IL1RAPL1: variants seen among roughly 807,000 people sequenced by gnomAD.
The protein encoded by IL1RAPL1 is interleukin-1 receptor accessory protein-like 1.
Under a neutral mutation model 48.4 loss-of-function variants are expected in IL1RAPL1, and 3 were observed. That is an observed-to-expected ratio of 0.06 (90% CI 0.03 to 0.16). IL1RAPL1 has a LOEUF of 0.16. IL1RAPL1 is among the 10% of genes least tolerant of loss of function. The probability of loss-of-function intolerance (pLI) is 1.00; values close to 1 mark genes in which losing one functional copy is unlikely to be tolerated. For synonymous variants in IL1RAPL1, 185 were observed against 187.7 expected (o/e 0.99, Z 0.12); for missense variants, 349 against 530.6 (o/e 0.66, Z 3.36).
intron 6 of IL1RAPL1, among the ~76,000 whole-genome samples, chrX:29,721,010 A>G (rs1319240807): frequency 8.9e-6 from 1 of 112,138 alleles, no homozygotes; most frequent in Non-Finnish European, 1.9e-5. Context: ...GCTCTTATCA[A>G]CTTTCCATGG....
At position 28,652,868 on chromosome X, in the gene IL1RAPL1, T is replaced by A. The variant is rs113207548; in HGVS notation, c.-25+64821T>A. ...TCAGGACCCTAGCTGAATCTGGGGT[T>A]TAGTAGTTCATGGTGGGGGCAGGGG... On this transcript the variant is annotated intron_variant, in intron 1 of 10. Coordinates refer to ENST00000378993, the MANE Select transcript of IL1RAPL1 (RefSeq NM_014271.4). Among the ~76,000 whole-genome samples the A allele has an allele frequency of 6.0e-3, 655 of 109,531 alleles. 2 individuals carry two copies. The highest frequency in any genetic ancestry group is 9.3e-3 in the Non-Finnish European group (488 of 52,616).
intron 2 of IL1RAPL1, among the ~76,000 whole-genome samples, chrX:28,956,674 T>C (rs1462986677): frequency 1.9e-5 from 2 of 106,983 alleles, no homozygotes; most frequent in African/African-American, 3.4e-5. Flanking sequence ...CAGTATTTTA[T>C]TGAGGATTTT....
intron 1 of IL1RAPL1, among the ~76,000 whole-genome samples, chrX:28,705,037 TTGAC>T (rs1275036127): frequency 4.5e-5 from 5 of 111,206 alleles, no homozygotes; most frequent in Non-Finnish European, 9.4e-5. Flanking sequence ...GTTTGCCACT[TTGAC>T]TGCTTTTGGA....
chrX:29,208,659 C>T (rs896069322), intron 2 of IL1RAPL1, among the ~76,000 whole-genome samples: 30 of 107,310 alleles, frequency 2.8e-4, no homozygotes, highest in African/African-American at 8.5e-4. Context: ...TGCAGTGATC[C>T]GAGATCCCAC....
At chrX:29,213,855 A>G (rs939743687) in intron 2 of IL1RAPL1, among the ~76,000 whole-genome samples, 2 of 112,221 alleles carry the variant, frequency 1.8e-5, no homozygotes, top group African/African-American at 3.2e-5. Flanking sequence ...TCTTTGATCC[A>G]TAACATTTAT....
intron 2 of IL1RAPL1, among the ~76,000 whole-genome samples, chrX:28,938,927 A>G (rs1215824834): frequency 9.0e-6 from 1 of 110,805 alleles, no homozygotes; most frequent in African/African-American, 3.3e-5. Context: ...AAAAAAGGTC[A>G]CTATCATTGA....
intron 6 of IL1RAPL1, among the ~76,000 whole-genome samples, chrX:29,748,342 A>G (rs113060258): frequency 8.9e-6 from 1 of 112,590 alleles, no homozygotes; most frequent in African/African-American, 3.2e-5. Flanking sequence ...AGAAGGCTGG[A>G]TGTGAACATA....
At chrX:29,771,602 C>T (rs1929066111) in intron 6 of IL1RAPL1, among the ~76,000 whole-genome samples, 1 of 111,849 alleles carries the variant, frequency 8.9e-6, no homozygotes. Context: ...TCACTTTAAC[C>T]TGTGCTATTT....
At chrX:28,724,062 T>C (rs1935629275) in intron 1 of IL1RAPL1, among the ~76,000 whole-genome samples, 1 of 112,054 alleles carries the variant, frequency 8.9e-6, no homozygotes, top group Non-Finnish European at 1.9e-5. Context: ...GAGAAGAATG[T>C]ATATTCTGTT....
At chrX:29,929,334 T>A (rs1208928842) in intron 8 of IL1RAPL1, among the ~76,000 whole-genome samples, 2 of 111,844 alleles carry the variant, frequency 1.8e-5, no homozygotes, top group Non-Finnish European at 3.8e-5. Flanking sequence ...AGAGCCAATC[T>A]CTTTGTGTCA....
At chrX:28,611,747 C>A (rs1302296860) in intron 1 of IL1RAPL1, among the ~76,000 whole-genome samples, 1 of 112,689 alleles carries the variant, frequency 8.9e-6, no homozygotes, top group East Asian at 2.8e-4. Flanking sequence ...AATTTTGTTT[C>A]TTGGTGTAAA....
chrX:29,381,833 A>AATATATATATATATAT (rs35091339), intron 3 of IL1RAPL1, among the ~76,000 whole-genome samples: 1 of 25,385 alleles, frequency 3.9e-5, no homozygotes, highest in African/African-American at 1.2e-4. Flanking sequence ...AAAAAAAAAA[A>AATATATATATATATAT]ATATATATAT....
intron 5 of IL1RAPL1, among the ~76,000 whole-genome samples, chrX:29,412,756 G>A (rs1036147134): frequency 8.9e-6 from 1 of 112,111 alleles, no homozygotes; most frequent in African/African-American, 3.2e-5. Context: ...CATTGGTGGA[G>A]CTGCCATGCC....
At chrX:29,242,042 G>T (rs1170848467) in intron 2 of IL1RAPL1, among the ~76,000 whole-genome samples, 1 of 111,700 alleles carries the variant, frequency 9.0e-6, no homozygotes, top group Non-Finnish European at 1.9e-5. Context: ...TCAAGAAGCC[G>T]GTTAGTTACA....
chrX:29,844,419 T>G (rs756734618), intron 6 of IL1RAPL1, among the ~76,000 whole-genome samples: 5 of 111,427 alleles, frequency 4.5e-5, no homozygotes, highest in African/African-American at 1.6e-4. Flanking sequence ...AGAAGCAATG[T>G]GATATGTTGA....
chrX:29,334,715 A>T (rs1393642988), intron 3 of IL1RAPL1, among the ~76,000 whole-genome samples: 1 of 105,014 alleles, frequency 9.5e-6, no homozygotes, highest in East Asian at 3.1e-4. Context: ...ATCTCAGACG[A>T]TGGGCGGCCG....
intron 5 of IL1RAPL1, among the ~76,000 whole-genome samples, chrX:29,550,913 A>T (rs1283412252): frequency 2.7e-5 from 3 of 112,205 alleles, no homozygotes; most frequent in African/African-American, 9.7e-5. Flanking sequence ...TTGTACAACC[A>T]TTACTACCGT....
At chrX:29,257,658 A>G (rs1349101482) in intron 2 of IL1RAPL1, among the ~76,000 whole-genome samples, 2 of 111,788 alleles carry the variant, frequency 1.8e-5, no homozygotes, top group Non-Finnish European at 3.8e-5. Context: ...GTCATGCAGC[A>G]TGTTTTAATC....
At chrX:28,792,816 A>AATATATATATATATAT (rs1555924328) in intron 2 of IL1RAPL1, among the ~76,000 whole-genome samples, 10 of 10,107 alleles carry the variant, frequency 9.9e-4, no homozygotes, top group Non-Finnish European at 1.8e-3. Context: ...AAAAAAAAAA[A>AATATATATATATATAT]ATATATATAT....
Sources: allele counts gnomAD v4.1 joint callset (sites outside exome capture counted in the v4.1 genomes callset), GRCh38; gene constraint gnomAD v4.1.1; transcripts MANE v1.5; gene names NCBI Gene and HGNC (gene_info 2026-07-23, HGNC 2026-07-21).